Variants in AIDA observed in about 807,000 individuals in gnomAD.
The protein encoded by AIDA is axin interactor, dorsalization-associated protein.
AIDA carries 18 observed loss-of-function variants against 42.7 expected under a neutral mutation model. The ratio of observed to expected loss-of-function variants is 0.42; its 90% CI spans 0.29 to 0.63. The LOEUF (loss-of-function observed/expected upper bound fraction) is 0.63. AIDA is among the 20% of genes least tolerant of loss of function. AIDA has a pLI of 0.19. For missense variants in AIDA, 250 were observed against 354.1 expected, an observed-to-expected ratio of 0.71 and a Z score of 2.36; for synonymous variants, 104 against 122.9, an observed-to-expected ratio of 0.85 and a Z score of 1.02.
chr1:222,700,978 G>A (rs1415158746), intron 2 of AIDA, among the ~76,000 whole-genome samples: 1 of 146,008 alleles, frequency 6.8e-6, no homozygotes. Flanking sequence ...TTTTGGGGGG[G>A]GGGGGACAGG....
chr1:222,674,905 A>G (rs1467334539), intron 7 of AIDA, among the ~76,000 whole-genome samples: 1 of 152,216 alleles, frequency 6.6e-6, no homozygotes, highest in African/African-American at 2.4e-5. Flanking sequence ...TTACTACACT[A>G]TCATTAAACA....
intron 7 of AIDA, among the ~76,000 whole-genome samples, 169 bp from the exon 8 acceptor site, chr1:222,673,604 G>A (rs1406532791): frequency 1.3e-5 from 2 of 151,316 alleles, no homozygotes; most frequent in East Asian, 3.9e-4. Context: ...GTGAAACCCC[G>A]TCTCTACTAA....
chr1:222,673,424 T>C lies in AIDA; in HGVS notation c.595A>G (p.Ile199Val), dbSNP rs1343044568. The change falls in exon 8 of 10, where the codon ATA (isoleucine) becomes GTA (valine). Residue 199 changes from isoleucine (I) to valine (V), a missense_variant. By Grantham distance (29) the Ile-to-Val change is conservative. Coordinates refer to ENST00000340020, the MANE Select transcript of AIDA (RefSeq NM_022831.4). The stretch of plus-strand genomic sequence containing the variant: ...GTATCTTGCACAGGAGTTAAGTCTA[T>C]GCCATTCAGATCTAAAGAGAAAAGA... ...ITVSVKDLNGIDLTPVQDTPV... is the reference protein window; with the variant it reads ...ITVSVKDLNGVDLTPVQDTPV... 1 of 1,591,450 alleles carries C rather than the reference T, an allele frequency of 6.3e-7. No homozygotes were observed. The highest frequency in any genetic ancestry group is 1.2e-5 in the South Asian group (1 of 86,256).
At chr1:222,676,932 AAAC>A (rs1255698439) in intron 6 of AIDA, among the ~76,000 whole-genome samples, 21 of 148,828 alleles carry the variant, frequency 1.4e-4, no homozygotes, top group Admixed American at 1.0e-3. Flanking sequence ...CCACAAAAAA[AAAC>A]AAACAAAAAA....
intron 2 of AIDA, among the ~76,000 whole-genome samples, chr1:222,695,108 G>A (rs1334383800): frequency 6.6e-6 from 1 of 152,214 alleles, no homozygotes; most frequent in Non-Finnish European, 1.5e-5. Flanking sequence ...ATAACCAGCT[G>A]AGGAATCTGT....
chr1:222,712,490 T>C lies in AIDA; in HGVS notation c.-173A>G. ...CCCATTTGCCGCCACAGCCAAACTT[T>C]GCGGCTCCAAAGCGACCGCCCCGCC... On this transcript the variant is annotated 5_prime_UTR_variant, in exon 1 of 10. Coordinates refer to ENST00000340020, the MANE Select transcript of AIDA (RefSeq NM_022831.4). 2.8e-6 allele frequency: 4 copies of C among 1,408,854 alleles called. No individual in the cohort carries two copies. Among genetic ancestry groups the C allele is most frequent in the Non-Finnish European group, 3.7e-6 (4 of 1,084,420 alleles). The allele number at this position is 1,408,854 out of a possible 1,614,324, so 87.3% of individuals were successfully genotyped here. A position where few individuals can be genotyped will look rare whatever the true frequency, so the allele number is the denominator to read the frequency against.
intron 6 of AIDA, among the ~76,000 whole-genome samples, chr1:222,685,544 G>A (rs1655134061): frequency 6.6e-6 from 1 of 152,172 alleles, no homozygotes; most frequent in South Asian, 2.1e-4. Flanking sequence ...ATAATGGAAA[G>A]CTTCTAGAAT....
intron 7 of AIDA, among the ~76,000 whole-genome samples, chr1:222,673,713 G>A (rs1489359321): frequency 6.6e-6 from 1 of 151,978 alleles, no homozygotes; most frequent in Non-Finnish European, 1.5e-5. Flanking sequence ...AGGAGGCGGA[G>A]CTTGCAGTGA....
chr1:222,709,265 T>C (rs1177316132), intron 1 of AIDA, among the ~76,000 whole-genome samples: 1 of 152,122 alleles, frequency 6.6e-6, no homozygotes, highest in Non-Finnish European at 1.5e-5. Context: ...ACCTGGTCTC[T>C]ACTAAAAATA....
At chr1:222,671,479 C>CATTT (rs1285131242) in intron 8 of AIDA, among the ~76,000 whole-genome samples, 2 of 152,168 alleles carry the variant, frequency 1.3e-5, no homozygotes, top group Admixed American at 1.3e-4. Context: ...AGACAACATA[C>CATTT]ATTTAATACT....
intron 2 of AIDA, among the ~76,000 whole-genome samples, chr1:222,695,958 T>C (rs1023072014): frequency 6.6e-6 from 1 of 152,206 alleles, no homozygotes; most frequent in Non-Finnish European, 1.5e-5. Context: ...CCCTAGCACT[T>C]ATGCAACTAC....
intron 6 of AIDA, 132 bp downstream of exon 6, chr1:222,686,798 T>A: frequency 9.1e-7 from 1 of 1,100,018 alleles, no homozygotes; most frequent in Non-Finnish European, 1.3e-6. Context: ...CTACTGCCAA[T>A]AAAATTTGCC....
chr1:222,682,302 A>G (rs754417121), intron 6 of AIDA, among the ~76,000 whole-genome samples: 1 of 152,158 alleles, frequency 6.6e-6, no homozygotes. Flanking sequence ...CCAGAACGTT[A>G]AAGAGGCAAT....
At position 222,687,055 on chromosome 1, in the gene AIDA, G is replaced by GA. The variant is rs1655214013; in HGVS notation, c.354-20dup. The stretch of plus-strand genomic sequence containing the variant: ...AATTCTTCTACACAAAAAAAGGGCA[G>GA]AAAAAACAACAAACTGCAAAACTAA... On this transcript the variant is annotated intron_variant, in intron 5 of 9. Coordinates refer to ENST00000340020, the MANE Select transcript of AIDA (RefSeq NM_022831.4). 3.7e-6 allele frequency: 6 copies of GA among 1,609,890 alleles called. No individual in the cohort carries two copies. Among genetic ancestry groups the GA allele is most frequent in the Non-Finnish European group, 4.2e-6 (5 of 1,178,036 alleles).
At chr1:222,699,464 G>A (rs965924098) in intron 2 of AIDA, among the ~76,000 whole-genome samples, 18 of 152,150 alleles carry the variant, frequency 1.2e-4, no homozygotes, top group African/African-American at 4.3e-4. Flanking sequence ...TTTGAAGGGA[G>A]ACGGAGACTT....
At chr1:222,676,943 A>C (rs183876836) in intron 6 of AIDA, among the ~76,000 whole-genome samples, 21 of 152,132 alleles carry the variant, frequency 1.4e-4, no homozygotes, top group Admixed American at 9.8e-4. Context: ...AACAAACAAA[A>C]AAAAACCCAT....
chr1:222,709,366 G>T (rs543294531), intron 1 of AIDA, among the ~76,000 whole-genome samples: 45 of 152,274 alleles, frequency 3.0e-4, no homozygotes, highest in Non-Finnish European at 4.6e-4. Context: ...GGGAGGCACA[G>T]GTTGCAGTGA....
chr1:222,684,899 C>T (rs1002309315), intron 6 of AIDA, among the ~76,000 whole-genome samples: 1 of 152,080 alleles, frequency 6.6e-6, no homozygotes, highest in Admixed American at 6.5e-5. Flanking sequence ...AGGAAAACAA[C>T]CAAATCAGAT....
At chr1:222,687,240 G>T (rs1313929275) in intron 5 of AIDA, among the ~76,000 whole-genome samples, 1 of 152,056 alleles carries the variant, frequency 6.6e-6, no homozygotes, top group East Asian at 1.9e-4. Context: ...GACCAGCCTG[G>T]GCAATACGGT....
Sources: gnomAD v4.1 joint callset for allele counts (sites outside exome capture counted in the v4.1 genomes callset) on GRCh38, gnomAD v4.1.1 for gene constraint, MANE v1.5 for transcripts, NCBI Gene and HGNC (gene_info 2026-07-23, HGNC 2026-07-21) for gene names.